Variants in PDGFC observed in about 807,000 individuals in gnomAD.
The protein encoded by PDGFC is platelet-derived growth factor C.
A neutral mutation model predicts 35.5 loss-of-function variants in PDGFC; 12 were observed. The ratio of observed to expected loss-of-function variants is 0.34; its 90% CI spans 0.22 to 0.55. The LOEUF (loss-of-function observed/expected upper bound fraction) is 0.55. PDGFC is among the 20% of genes least tolerant of loss of function. The pLI is 0.91. For synonymous variants in PDGFC, 159 were observed against 148.8 expected, an observed-to-expected ratio of 1.07 and a Z score of -0.50; for missense variants, 322 against 412.4, an observed-to-expected ratio of 0.78 and a Z score of 1.90.
intron 1 of PDGFC, among the ~76,000 whole-genome samples, chr4:156,965,677 C>T (rs1732448292): frequency 6.6e-6 from 1 of 151,986 alleles, no homozygotes; most frequent in Non-Finnish European, 1.5e-5. Context: ...TCCACCATCT[C>T]ATCACTCCCC....
chr4:156,853,973 A>C (rs1729515178), intron 1 of PDGFC, among the ~76,000 whole-genome samples: 1 of 152,172 alleles, frequency 6.6e-6, no homozygotes, highest in Non-Finnish European at 1.5e-5. Context: ...AAAAATAAAA[A>C]AGCAAAACAT....
intron 1 of PDGFC, among the ~76,000 whole-genome samples, chr4:156,957,295 C>A (rs886282176): frequency 1.3e-5 from 2 of 152,012 alleles, no homozygotes; most frequent in Non-Finnish European, 2.9e-5. Context: ...GAACCACTAT[C>A]TCCTTCTCTC....
intron 2 of PDGFC, among the ~76,000 whole-genome samples, chr4:156,829,530 C>T (rs1728874230): frequency 6.6e-6 from 1 of 152,036 alleles, no homozygotes; most frequent in African/African-American, 2.4e-5. Context: ...TTAAAATTTT[C>T]CTCTTGCTCT....
chr4:156,775,036 G>C (rs947323278), intron 3 of PDGFC, among the ~76,000 whole-genome samples: 1 of 151,906 alleles, frequency 6.6e-6, no homozygotes, highest in Non-Finnish European at 1.5e-5. Context: ...TGATATTTTT[G>C]CTCTACCCAT....
At chr4:156,793,562 T>TAA (rs149695446) in intron 3 of PDGFC, among the ~76,000 whole-genome samples, 72 of 136,112 alleles carry the variant, frequency 5.3e-4, no homozygotes, top group South Asian at 1.4e-3. Flanking sequence ...TATATATATA[T>TAA]AAAACACTTT....
chr4:156,902,432 G>T (rs1730811518), intron 1 of PDGFC, among the ~76,000 whole-genome samples: 1 of 151,964 alleles, frequency 6.6e-6, no homozygotes, highest in African/African-American at 2.4e-5. Context: ...GGTAACTTTT[G>T]TCTTGAATCT....
chr4:156,894,499 A>G (rs1365941530), intron 1 of PDGFC, among the ~76,000 whole-genome samples: 1 of 152,244 alleles, frequency 6.6e-6, no homozygotes, highest in Non-Finnish European at 1.5e-5. Flanking sequence ...TATAATGCAT[A>G]CAATAGGAGT....
At chr4:156,833,674 A>C (rs1240952450) in intron 2 of PDGFC, among the ~76,000 whole-genome samples, 2 of 152,242 alleles carry the variant, frequency 1.3e-5, no homozygotes, top group African/African-American at 4.8e-5. Context: ...AGCTAATAGA[A>C]AAAGTGATAA....
At chr4:156,890,611 C>T (rs758489423) in intron 1 of PDGFC, among the ~76,000 whole-genome samples, 3 of 152,112 alleles carry the variant, frequency 2.0e-5, no homozygotes, top group Non-Finnish European at 2.9e-5. Flanking sequence ...GGTTCATGCA[C>T]CCTCTTTGGT....
At chr4:156,868,593 A>G (rs553541998) in intron 1 of PDGFC, among the ~76,000 whole-genome samples, 2 of 152,216 alleles carry the variant, frequency 1.3e-5, no homozygotes, top group Admixed American at 1.3e-4. Context: ...GTATCACTTA[A>G]AACAGCAAGC....
chr4:156,970,871 A>G lies in PDGFC; in HGVS notation c.33T>C (p.Ser11=), dbSNP rs1315246472. The G allele has an allele frequency of 6.8e-6, 11 of 1,613,766 alleles. No individual in the cohort carries two copies. The highest frequency in any genetic ancestry group is 9.3e-6 in the Non-Finnish European group (11 of 1,179,830). ...TCCCCTGTCTCTGGCCGGCCAGGGC[A>G]GATGTCAGCAGGAGAAGCCCGAAGA... MSLFGLLLLT[S]ALAGQRQGTQ... Residue 11 remains serine, a synonymous_variant, in exon 1 of 6, where the codon TCT becomes TCC. Coordinates refer to ENST00000502773, the MANE Select transcript of PDGFC (RefSeq NM_016205.3).
At chr4:156,785,346 G>A (rs894873121) in intron 3 of PDGFC, among the ~76,000 whole-genome samples, 3 of 151,946 alleles carry the variant, frequency 2.0e-5, no homozygotes, top group Non-Finnish European at 4.4e-5. Flanking sequence ...TGATTACAGG[G>A]GTCCGCCACC....
chr4:156,908,699 T>C (rs559305846), intron 1 of PDGFC, among the ~76,000 whole-genome samples: 2 of 152,186 alleles, frequency 1.3e-5, no homozygotes, highest in Non-Finnish European at 2.9e-5. Context: ...AAACCTACCA[T>C]ACATTTAATT....
At chr4:156,883,420 C>T (rs1730294804) in intron 1 of PDGFC, among the ~76,000 whole-genome samples, 1 of 152,164 alleles carries the variant, frequency 6.6e-6, no homozygotes, top group Non-Finnish European at 1.5e-5. Flanking sequence ...TAGTGTACAA[C>T]TCATCACAGC....
chr4:156,932,249 T>G (rs1040068967), intron 1 of PDGFC, among the ~76,000 whole-genome samples: 2 of 152,170 alleles, frequency 1.3e-5, no homozygotes, highest in Non-Finnish European at 2.9e-5. Context: ...ATTCACTTTA[T>G]GTAGTTAAAG....
intron 2 of PDGFC, among the ~76,000 whole-genome samples, chr4:156,822,950 T>A (rs1453770746): frequency 6.6e-6 from 1 of 151,910 alleles, no homozygotes; most frequent in Non-Finnish European, 1.5e-5. Context: ...GTCAGGCTGG[T>A]CTCAAACTCC....
intron 2 of PDGFC, among the ~76,000 whole-genome samples, chr4:156,827,813 C>A (rs1343818040): frequency 6.6e-6 from 1 of 152,052 alleles, no homozygotes; most frequent in Non-Finnish European, 1.5e-5. Context: ...TCACCAAAGA[C>A]AATAATTTTC....
chr4:156,868,565 G>A (rs918724893), intron 1 of PDGFC, among the ~76,000 whole-genome samples: 1 of 152,134 alleles, frequency 6.6e-6, no homozygotes, highest in Non-Finnish European at 1.5e-5. Flanking sequence ...CCCAAAATTC[G>A]AAGCATACTA....
intron 1 of PDGFC, among the ~76,000 whole-genome samples, chr4:156,918,413 TAGAA>T (rs1462058899): frequency 1.3e-5 from 2 of 152,146 alleles, no homozygotes; most frequent in African/African-American, 2.4e-5. Flanking sequence ...AACGGGGAAT[TAGAA>T]AGGTTATAGC....
Sources: gnomAD v4.1 joint callset for allele counts (sites outside exome capture counted in the v4.1 genomes callset) on GRCh38, gnomAD v4.1.1 for gene constraint, MANE v1.5 for transcripts, NCBI Gene and HGNC (gene_info 2026-07-23, HGNC 2026-07-21) for gene names.